The following PTPN4 variants were observed in gnomAD, a reference collection of about 807,000 sequenced individuals.
PTPN4 encodes the protein protein tyrosine phosphatase non-receptor type 4, also known as tyrosine-protein phosphatase non-receptor type 4.
In PTPN4, 49 loss-of-function variants were observed where a neutral mutation model predicts 135.5. The ratio of observed to expected loss-of-function variants is 0.36; its 90% CI spans 0.29 to 0.46. PTPN4 has a LOEUF of 0.46. Among genes scored for constraint, PTPN4 ranks in the 20% least tolerant of loss-of-function variants. The pLI is 1.00. For missense variants in PTPN4, 860 were observed against 1,101.0 expected (o/e 0.78, Z 3.10); for synonymous variants, 333 against 369.9 (o/e 0.90, Z 1.14).
chr2:119,924,512 T>A (rs1347080174), intron 12 of PTPN4, among the ~76,000 whole-genome samples: 1 of 152,102 alleles, frequency 6.6e-6, no homozygotes, highest in Non-Finnish European at 1.5e-5. Context: ...TCTATGTTGC[T>A]TGAATAACTT....
chr2:119,807,098 A>T (rs1464948132), intron 1 of PTPN4, among the ~76,000 whole-genome samples: 2 of 152,252 alleles, frequency 1.3e-5, no homozygotes, highest in Non-Finnish European at 2.9e-5. Context: ...GAAAATTTAT[A>T]GCACTAAATG....
At chr2:119,967,169 G>A (rs1679456312) in intron 25 of PTPN4, among the ~76,000 whole-genome samples, 1 of 152,218 alleles carries the variant, frequency 6.6e-6, no homozygotes, top group Non-Finnish European at 1.5e-5. Context: ...AATCAGACCG[G>A]GAGCGGTGGC....
At chr2:119,862,286 G>A (rs1219419088) in intron 2 of PTPN4, among the ~76,000 whole-genome samples, 1 of 152,082 alleles carries the variant, frequency 6.6e-6, no homozygotes, top group African/African-American at 2.4e-5. Flanking sequence ...CCAAGTCATT[G>A]GTATGAAAAC....
intron 1 of PTPN4, among the ~76,000 whole-genome samples, chr2:119,800,068 T>C (rs1043225787): frequency 3.9e-5 from 6 of 152,220 alleles, no homozygotes; most frequent in African/African-American, 1.4e-4. Flanking sequence ...AAAGGAAAAA[T>C]GCGTAATGAC....
chr2:119,932,327 C>A, intron 13 of PTPN4, 97 bp from the exon 14 acceptor site: 1 of 1,224,528 alleles, frequency 8.2e-7, no homozygotes, highest in Non-Finnish European at 1.1e-6. Flanking sequence ...TGTTGCTCAT[C>A]TAGAACATAA....
chr2:119,944,594 T>TA (rs1412649101), intron 15 of PTPN4, among the ~76,000 whole-genome samples: 2 of 152,218 alleles, frequency 1.3e-5, no homozygotes, highest in African/African-American at 4.8e-5. Flanking sequence ...TCAGCACTCT[T>TA]ACTCAGATTT....
rs554190572 is a variant in PTPN4, at chr2:119,977,161, C to CAA, written c.*100_*101dup. On this transcript the variant is annotated 3_prime_UTR_variant, in exon 27 of 27. Transcript: ENST00000263708. ...GCTGCTCGCAGGAAATGGCATTTTACAAAAAAAAAATGAAGAACTCAAAAA... is the reference window on the plus strand; with the variant it reads ...GCTGCTCGCAGGAAATGGCATTTTACAAAAAAAAAAAATGAAGAACTCAAAAA... The CAA allele has an allele frequency of 1.9e-3, 2,396 of 1,238,500 alleles. No individual in the cohort carries two copies. The highest frequency in any genetic ancestry group is 4.2e-3 in the Middle Eastern group (17 of 4,038). 76.7% of individuals were successfully genotyped at this position (1,238,500 alleles called of 1,614,324 possible).
At chr2:119,840,977 C>T (rs774790319) in intron 2 of PTPN4, among the ~76,000 whole-genome samples, 1 of 151,238 alleles carries the variant, frequency 6.6e-6, no homozygotes, top group Non-Finnish European at 1.5e-5. Flanking sequence ...GGATATTAGA[C>T]CTTTGTCAGA....
chr2:119,823,150 A>G (rs1455747621), intron 2 of PTPN4, among the ~76,000 whole-genome samples: 1 of 152,052 alleles, frequency 6.6e-6, no homozygotes, highest in Admixed American at 6.5e-5. Context: ...TTTGACCTCT[A>G]GGAGCTTTAA....
At chr2:119,957,269 A>T (rs1679302371) in intron 22 of PTPN4, among the ~76,000 whole-genome samples, 192 bp downstream of exon 22, 1 of 152,192 alleles carries the variant, frequency 6.6e-6, no homozygotes, top group South Asian at 2.1e-4. Flanking sequence ...GTGGAATGGA[A>T]TAGTCCAGTT....
intron 1 of PTPN4, among the ~76,000 whole-genome samples, chr2:119,781,565 T>A (rs1189425093): frequency 6.6e-6 from 1 of 152,276 alleles, no homozygotes; most frequent in Admixed American, 6.5e-5. Flanking sequence ...TGATTTATCT[T>A]CAGTGTATTC....
chr2:119,782,190 G>T (rs974202161), intron 1 of PTPN4, among the ~76,000 whole-genome samples: 4 of 152,154 alleles, frequency 2.6e-5, no homozygotes, highest in African/African-American at 9.7e-5. Context: ...GCCAAAGCGG[G>T]CAGATCACTT....
At chr2:119,824,719 G>A (rs1234188147) in intron 2 of PTPN4, among the ~76,000 whole-genome samples, 9 of 152,024 alleles carry the variant, frequency 5.9e-5, no homozygotes, top group Admixed American at 1.3e-4. Flanking sequence ...ATAGAGTCTC[G>A]CTATGTCTGC....
intron 1 of PTPN4, among the ~76,000 whole-genome samples, chr2:119,764,671 A>G (rs1364704337): frequency 2.7e-5 from 4 of 150,048 alleles, no homozygotes; most frequent in East Asian, 2.0e-4. Flanking sequence ...TATGTTACCT[A>G]CTCTGTTTCC....
intron 2 of PTPN4, among the ~76,000 whole-genome samples, chr2:119,860,024 T>C (rs150841510): frequency 2.0e-5 from 3 of 152,284 alleles, no homozygotes; most frequent in Non-Finnish European, 4.4e-5. Flanking sequence ...GTCTGTGATA[T>C]ATAGGAAGTG....
At chr2:119,868,255 A>G (rs1677860567) in intron 3 of PTPN4, among the ~76,000 whole-genome samples, 1 of 152,238 alleles carries the variant, frequency 6.6e-6, no homozygotes, top group Non-Finnish European at 1.5e-5. Context: ...TAGAAGTAGT[A>G]TACCCACTAG....
intron 3 of PTPN4, among the ~76,000 whole-genome samples, chr2:119,873,759 A>G (rs1677947198): frequency 6.6e-6 from 1 of 152,230 alleles, no homozygotes; most frequent in Non-Finnish European, 1.5e-5. Flanking sequence ...TATTGCAGAC[A>G]GTTCAGCTTT....
At chr2:119,810,109 A>G (rs1180113121) in intron 2 of PTPN4, 118 bp downstream of exon 2, 4 of 1,247,974 alleles carry the variant, frequency 3.2e-6, no homozygotes, top group South Asian at 1.7e-5. Context: ...TCAAGTAAAA[A>G]AGTCTTTTTG....
At chr2:119,893,921 C>T (rs543599633) in intron 9 of PTPN4, among the ~76,000 whole-genome samples, 150 of 151,674 alleles carry the variant, frequency 9.9e-4, no homozygotes, top group Non-Finnish European at 1.7e-3. Context: ...AAAACAAAAA[C>T]GGAGAACAGT....
Sources: allele counts gnomAD v4.1 joint callset (sites outside exome capture counted in the v4.1 genomes callset), GRCh38; gene constraint gnomAD v4.1.1; transcripts MANE v1.5; gene names NCBI Gene and HGNC (gene_info 2026-07-23, HGNC 2026-07-21).